NSD1: variants seen among roughly 807,000 people sequenced by gnomAD.
NSD1 encodes the protein histone-lysine N-methyltransferase, H3 lysine-36 specific.
In NSD1, 26 loss-of-function variants were observed where a neutral mutation model predicts 242.7. That is an observed-to-expected ratio of 0.11 (90% CI 0.08 to 0.15). NSD1 has a LOEUF of 0.15. Among genes scored for constraint, NSD1 ranks in the 10% least tolerant of loss-of-function variants. NSD1 has a pLI of 1.00. For synonymous variants in NSD1, 1,106 were observed against 1,178.1 expected, an observed-to-expected ratio of 0.94 and a Z score of 1.25; for missense variants, 2,495 against 3,272.8, an observed-to-expected ratio of 0.76 and a Z score of 5.80.
intron 2 of NSD1, among the ~76,000 whole-genome samples, chr5:177,173,994 A>T (rs1759954537): frequency 6.6e-6 from 1 of 152,184 alleles, no homozygotes; most frequent in Non-Finnish European, 1.5e-5. Flanking sequence ...AGTGGGAAGG[A>T]TATTTTAGTG....
chr5:177,210,445 A>G lies in NSD1; in HGVS notation c.2046A>G (p.Glu682=), dbSNP rs2149844442. 3.1e-6 allele frequency: 5 copies of G among 1,614,198 alleles called. No individual in the cohort carries two copies. The highest frequency in any genetic ancestry group is 4.2e-6 in the Non-Finnish European group (5 of 1,180,032). Residue 682 remains glutamate, a synonymous_variant, in exon 5 of 23, where the codon GAA becomes GAG. Transcript: ENST00000439151. ...TENMLSMQKN[E]KIKYSRFAAT... is the part of the protein sequence containing the mutation. ...ACATGTTATCTATGCAGAAAAATGA[A>G]AAGATAAAGTATTCTAGGTTTGCTG...
rs1763241577 is a variant in NSD1, at chr5:177,210,418, G to A, written c.2019G>A (p.Glu673=). 6.2e-7 allele frequency: 1 copy of A among 1,613,988 alleles called. No individual in the cohort carries two copies. The highest frequency in any genetic ancestry group is 8.5e-7 in the Non-Finnish European group (1 of 1,179,994). Residue 673 remains glutamate, a synonymous_variant, in exon 5 of 23, where the codon GAG becomes GAA. Transcript: ENST00000439151. ...LEIPDAFDRT[E]NMLSMQKNEK... ...TTCCAGATGCTTTCGATAGAACAGAGAACATGTTATCTATGCAGAAAAATG... is the reference window on the plus strand; with the variant it reads ...TTCCAGATGCTTTCGATAGAACAGAAAACATGTTATCTATGCAGAAAAATG...
Position 177,282,346 on chromosome 5 carries a change from A to G in NSD1, c.5893-119A>G. ...AAAGTAATTATGTGTGCCTAAAATT[A>G]TACTCATGTAATCTGCTTTGTAGAA... On this transcript the variant is annotated intron_variant, in intron 18 of 22. Coordinates refer to ENST00000439151, the MANE Select transcript of NSD1 (RefSeq NM_022455.5). 4 of 779,514 alleles carry G rather than the reference A, an allele frequency of 5.1e-6. No homozygotes were observed. The Admixed American group carries it at 6.9e-5, about 13-fold the overall frequency. The allele number at this position is 779,514 out of a possible 1,614,324, so 48.3% of individuals were successfully genotyped here. A position where few individuals can be genotyped will look rare whatever the true frequency, so the allele number is the denominator to read the frequency against.
At chr5:177,185,679 A>T (rs2149813203) in intron 2 of NSD1, among the ~76,000 whole-genome samples, 1 of 121,628 alleles carries the variant, frequency 8.2e-6, no homozygotes, top group South Asian at 2.3e-4. Context: ...TATATATATA[A>T]TATATATTTG....
intron 17 of NSD1, among the ~76,000 whole-genome samples, chr5:177,275,593 C>T (rs1019264812): frequency 6.6e-6 from 1 of 151,690 alleles, no homozygotes; most frequent in Non-Finnish European, 1.5e-5. Flanking sequence ...GCCACCACAC[C>T]GGGCTAATTT....
intron 5 of NSD1, among the ~76,000 whole-genome samples, chr5:177,222,909 G>GT (rs776224544): frequency 1.3e-5 from 2 of 152,058 alleles, no homozygotes; most frequent in African/African-American, 4.8e-5. Context: ...TATTGTTGGT[G>GT]TATGTTAGAA....
At chr5:177,249,757 G>A in intron 11 of NSD1, among the ~76,000 whole-genome samples, 1 of 152,190 alleles carries the variant, frequency 6.6e-6, no homozygotes, top group East Asian at 1.9e-4. Flanking sequence ...AAAGTGCTGG[G>A]ATTACAGGCG....
chr5:177,223,051 C>T (rs529237496), intron 5 of NSD1, among the ~76,000 whole-genome samples: 22 of 148,962 alleles, frequency 1.5e-4, no homozygotes, highest in African/African-American at 5.4e-4. Flanking sequence ...TGGGTGTCCA[C>T]TTGTTGAAAA....
chr5:177,213,629 A>G (rs566371927), intron 5 of NSD1, among the ~76,000 whole-genome samples: 2 of 152,066 alleles, frequency 1.3e-5, no homozygotes, highest in South Asian at 2.1e-4. Context: ...CACCACACCC[A>G]GCTAATTTTT....
chr5:177,288,777 T>C, intron 20 of NSD1, 42 bp from the exon 21 acceptor site: 4 of 1,384,870 alleles, frequency 2.9e-6, no homozygotes, highest in Non-Finnish European at 4.1e-6. Context: ...AATAATGTAA[T>C]TAAAACCATA....
At chr5:177,165,727 T>TA (rs770513914) in intron 2 of NSD1, among the ~76,000 whole-genome samples, 7 of 152,030 alleles carry the variant, frequency 4.6e-5, no homozygotes, top group Admixed American at 1.3e-4. Flanking sequence ...GCCTCCCAGG[T>TA]AACCAGGACT....
intron 2 of NSD1, among the ~76,000 whole-genome samples, chr5:177,187,305 A>G (rs570403814): frequency 6.6e-6 from 1 of 151,786 alleles, no homozygotes; most frequent in East Asian, 2.0e-4. Flanking sequence ...GGGTTTCACC[A>G]TGTTTGCCAG....
chr5:177,174,276 C>T (rs1460104349), intron 2 of NSD1, among the ~76,000 whole-genome samples: 1 of 152,154 alleles, frequency 6.6e-6, no homozygotes, highest in Admixed American at 6.6e-5. Context: ...ATCACTTAAA[C>T]GCGGGAGGCG....
rs1429378098 is a variant in NSD1 at position 177,238,636 on chromosome 5, A to G, written c.4192+129A>G. 22 of 1,019,796 alleles carry G rather than the reference A, an allele frequency of 2.2e-5. No individual in the cohort carries two copies. In the Admixed American group the frequency reaches 2.9e-4, roughly 13 times the overall value. 63.2% of individuals were successfully genotyped at this position (1,019,796 alleles called of 1,614,324 possible). A position where few individuals can be genotyped will look rare whatever the true frequency, so the allele number is the denominator to read the frequency against. On this transcript the variant is annotated intron_variant, in intron 7 of 22. Coordinates refer to ENST00000439151, the MANE Select transcript of NSD1 (RefSeq NM_022455.5). This position sits in a 1 kb window ranked among gnomAD's most constrained non-coding sequence, Gnocchi z 4.6. ...AAACTACCCCCTTTTGTCCTGGGAA[A>G]TACTTAAAATGATGGTTAATTAGAT...
chr5:177,171,835 A>G (rs1379533676), intron 2 of NSD1, among the ~76,000 whole-genome samples: 1 of 152,236 alleles, frequency 6.6e-6, no homozygotes, highest in East Asian at 1.9e-4. Context: ...ATAATAACAC[A>G]TTGTATTATC....
In NSD1 at chr5:177,300,056, C is replaced by T. The variant is rs1366595594; in HGVS notation, c.*4597C>T. On this transcript the variant is annotated 3_prime_UTR_variant, in exon 23 of 23. Coordinates refer to ENST00000439151, the MANE Select transcript of NSD1 (RefSeq NM_022455.5). ...AAGGTCCATCATTGCTTTTTTGCCG[C>T]GCCCCCCCCCCCCCGCCCCCATAGA... The T allele has an allele frequency of 6.4e-5, 7 of 109,462 alleles. No homozygotes were observed. The highest frequency in any genetic ancestry group is 3.6e-4 in the East Asian group (4 of 11,080). The allele number at this position is 109,462 out of a possible 1,614,324, so 6.8% of individuals were successfully genotyped here. A position where few individuals can be genotyped will look rare whatever the true frequency, so the allele number is the denominator to read the frequency against.
chr5:177,151,652 G>A (rs1226705867), intron 2 of NSD1, among the ~76,000 whole-genome samples: 1 of 149,770 alleles, frequency 6.7e-6, no homozygotes, highest in Non-Finnish European at 1.5e-5. Context: ...GCTTCCCAAA[G>A]TGCTGGGATT....
chr5:177,151,985 C>A (rs1467879287), intron 2 of NSD1, among the ~76,000 whole-genome samples: 4 of 152,006 alleles, frequency 2.6e-5, no homozygotes, highest in Admixed American at 6.6e-5. Context: ...CTCAGCCTCC[C>A]GAGTAACTGG....
At chr5:177,260,897 T>C (rs1340587941) in intron 14 of NSD1, among the ~76,000 whole-genome samples, 1 of 152,140 alleles carries the variant, frequency 6.6e-6, no homozygotes, top group African/African-American at 2.4e-5. Flanking sequence ...AAAATAGCAT[T>C]ACCATGTAAT....
Sources: allele counts gnomAD v4.1 joint callset (sites outside exome capture counted in the v4.1 genomes callset), GRCh38; gene constraint gnomAD v4.1.1; non-coding constraint Gnocchi (gnomAD v3.1); transcripts MANE v1.5; gene names NCBI Gene and HGNC (gene_info 2026-07-23, HGNC 2026-07-21).